SBF2: variants seen among roughly 807,000 people sequenced by gnomAD.
SBF2 encodes SET binding factor 2.
A neutral mutation model predicts 225.2 loss-of-function variants in SBF2; 112 were observed. That is an observed-to-expected ratio of 0.50 (90% CI 0.43 to 0.58). SBF2 has a LOEUF of 0.58. Ranked by LOEUF, SBF2 falls within the 20% of genes least tolerant of loss-of-function variation. SBF2 has a pLI of 0.00. For synonymous variants in SBF2, 763 were observed against 773.3 expected (o/e 0.99, Z 0.22); for missense variants, 1,996 against 2,206.2 (o/e 0.90, Z 1.91).
At chr11:9,904,114 T>C (rs943256569) in intron 16 of SBF2, among the ~76,000 whole-genome samples, 2 of 151,834 alleles carry the variant, frequency 1.3e-5, no homozygotes, top group South Asian at 2.1e-4. Flanking sequence ...CAAATACAAA[T>C]ACAATAACAC....
intron 2 of SBF2, among the ~76,000 whole-genome samples, chr11:10,157,758 C>T (rs748619323): frequency 6.6e-6 from 1 of 152,146 alleles, no homozygotes. Flanking sequence ...TATCCCCCTG[C>T]CCACAGTCCA....
intron 1 of SBF2, among the ~76,000 whole-genome samples, chr11:10,292,424 G>A (rs1964216649): frequency 6.6e-6 from 1 of 152,146 alleles, no homozygotes; most frequent in South Asian, 2.1e-4. Context: ...GCTCAAGCCT[G>A]TAATCCCAGC....
intron 16 of SBF2, among the ~76,000 whole-genome samples, chr11:9,917,846 C>T (rs1863237770): frequency 6.6e-6 from 1 of 151,486 alleles, no homozygotes; most frequent in South Asian, 2.1e-4. Flanking sequence ...TTAAAAACCC[C>T]AAACTTGATA....
chr11:10,107,768 G>A (rs1050578692), intron 2 of SBF2, among the ~76,000 whole-genome samples: 5 of 151,978 alleles, frequency 3.3e-5, no homozygotes, highest in African/African-American at 4.8e-5. Flanking sequence ...TTGGATTTAC[G>A]GCCCGTCCTA....
chr11:10,112,889 A>AG (rs1952942555), intron 2 of SBF2, among the ~76,000 whole-genome samples: 1 of 152,252 alleles, frequency 6.6e-6, no homozygotes, highest in Non-Finnish European at 1.5e-5. Flanking sequence ...CTTATCATGA[A>AG]GAACAGAAAA....
At chr11:10,035,423 T>C (rs1020908561) in intron 3 of SBF2, among the ~76,000 whole-genome samples, 1 of 152,092 alleles carries the variant, frequency 6.6e-6, no homozygotes, top group African/African-American at 2.4e-5. Flanking sequence ...TGGGATCTAA[T>C]TAAACTAAAG....
chr11:9,793,398 CTTTATT>C (rs1267300057), intron 33 of SBF2, among the ~76,000 whole-genome samples: 1 of 150,996 alleles, frequency 6.6e-6, no homozygotes, highest in Admixed American at 6.6e-5. Flanking sequence ...ATTTTTTATT[CTTTATT>C]TTTGAGACAG....
chr11:10,209,849 C>T (rs938797173), intron 1 of SBF2, among the ~76,000 whole-genome samples: 2 of 152,052 alleles, frequency 1.3e-5, no homozygotes, highest in Admixed American at 1.3e-4. Context: ...AAAGATGTCT[C>T]GAAGACAACA....
chr11:10,264,743 C>T (rs1463652220), intron 1 of SBF2, among the ~76,000 whole-genome samples: 5 of 150,726 alleles, frequency 3.3e-5, no homozygotes, highest in African/African-American at 1.2e-4. Context: ...TAGCCCCCCA[C>T]CCCCCGACAG....
rs569292801 is a variant in SBF2 at position 9,867,817 on chromosome 11, CT to C, written c.1930-9422del. Among the ~76,000 whole-genome samples the C allele has an allele frequency of 3.0e-4, 46 of 152,146 alleles. 1 individual carries two copies. The highest frequency in any genetic ancestry group is 1.7e-3 in the South Asian group (8 of 4,818). ...ATATCTGGGAGCAAAAAAAGTTCAT[CT>C]AATGGAAGTAGAGAGTAGGATGATG... On this transcript the variant is annotated intron_variant, in intron 17 of 39. Coordinates refer to ENST00000256190, the MANE Select transcript of SBF2 (RefSeq NM_030962.4).
chr11:9,934,641 G>C (rs181590564), intron 16 of SBF2, among the ~76,000 whole-genome samples: 22 of 152,274 alleles, frequency 1.4e-4, no homozygotes, highest in Admixed American at 2.0e-4. Context: ...GGGGTGCAAG[G>C]CTGGTTCAAC....
chr11:9,835,665 C>T (rs1815296312), intron 26 of SBF2, among the ~76,000 whole-genome samples: 1 of 135,246 alleles, frequency 7.4e-6, no homozygotes, highest in Non-Finnish European at 1.6e-5. Context: ...ACTATCCTGA[C>T]TAACAATGTG....
At chr11:9,960,067 G>A (rs1866463539) in intron 16 of SBF2, 2 of 227,286 alleles carry the variant, frequency 8.8e-6, no homozygotes, top group African/African-American at 4.6e-5. Context: ...CGCAATTATA[G>A]TGTACTGCAG....
chr11:10,205,985 G>C (rs1435134912), intron 1 of SBF2, among the ~76,000 whole-genome samples: 1 of 151,892 alleles, frequency 6.6e-6, no homozygotes, highest in Admixed American at 6.6e-5. Context: ...CAGTAAGAGA[G>C]ACTCCACTGT....
intron 16 of SBF2, among the ~76,000 whole-genome samples, chr11:9,915,445 CAAAA>C (rs60692182): frequency 4.6e-5 from 5 of 109,632 alleles, no homozygotes; most frequent in Non-Finnish European, 5.5e-5. Flanking sequence ...GAGTCCGTCT[CAAAA>C]AAAAAAAAAA....
intron 37 of SBF2, 118 bp from the exon 38 acceptor site, chr11:9,784,556 G>T (rs1410764827): frequency 8.6e-6 from 7 of 812,900 alleles, no homozygotes; most frequent in Non-Finnish European, 1.4e-5. Flanking sequence ...ATTCAAAAAT[G>T]GCCTATAAGA....
Position 9,853,722 on chromosome 11 carries a change from T to C in SBF2, c.2364-10A>G, listed in dbSNP as rs1386110086. On this transcript the variant is annotated splice_polypyrimidine_tract_variant and intron_variant, in intron 19 of 39. Coordinates refer to ENST00000256190, the MANE Select transcript of SBF2 (RefSeq NM_030962.4). Reference sequence around the variant, plus strand: ...TACACTTCCTGCAATACTAAGACAGTCAAGGAAAGAAATCATGGTCAGTAC... The same window carrying C: ...TACACTTCCTGCAATACTAAGACAGCCAAGGAAAGAAATCATGGTCAGTAC... The C allele has an allele frequency of 6.2e-7, 1 of 1,613,326 alleles. No homozygotes were observed. The highest frequency in any genetic ancestry group is 8.5e-7 in the Non-Finnish European group (1 of 1,179,388).
chr11:9,908,562 G>C (rs1402187365), intron 16 of SBF2, among the ~76,000 whole-genome samples: 1 of 152,206 alleles, frequency 6.6e-6, no homozygotes, highest in Admixed American at 6.5e-5. Context: ...GGGAGGCGGA[G>C]CTTGCAGTGA....
At chr11:9,860,921 C>G (rs1159743913) in intron 17 of SBF2, among the ~76,000 whole-genome samples, 2 of 152,162 alleles carry the variant, frequency 1.3e-5, no homozygotes, top group African/African-American at 2.4e-5. Flanking sequence ...CAGAGATGTA[C>G]AGGAATCTGA....
Sources: gnomAD v4.1 joint callset for allele counts (sites outside exome capture counted in the v4.1 genomes callset) on GRCh38, gnomAD v4.1.1 for gene constraint, MANE v1.5 for transcripts, NCBI Gene and HGNC (gene_info 2026-07-23, HGNC 2026-07-21) for gene names.